UBAP2: variants seen among roughly 807,000 people sequenced by gnomAD.
The protein encoded by UBAP2 is ubiquitin associated protein 2, also known as ubiquitin-associated protein 2.
UBAP2 carries 75 observed loss-of-function variants against 139.6 expected under a neutral mutation model. That is an observed-to-expected ratio of 0.54 (90% CI 0.45 to 0.65). The LOEUF (loss-of-function observed/expected upper bound fraction) is 0.65. Ranked by LOEUF, UBAP2 falls within the 30% of genes least tolerant of loss-of-function variation. The probability of loss-of-function intolerance (pLI) is 0.00; values close to 1 mark genes in which losing one functional copy is unlikely to be tolerated. For missense variants in UBAP2, 1,368 were observed against 1,369.6 expected (o/e 1.00, Z 0.02); for synonymous variants, 526 against 526.2 (o/e 1.00, Z 0.01).
At chr9:33,962,373 C>T (rs947835288) in intron 9 of UBAP2, among the ~76,000 whole-genome samples, 1 of 152,120 alleles carries the variant, frequency 6.6e-6, no homozygotes, top group African/African-American at 2.4e-5. Flanking sequence ...AAAGGCTGGG[C>T]ATGGTGGCTC....
chr9:33,969,938 TTTTTTTTTTG>T (rs1827788984), intron 8 of UBAP2, among the ~76,000 whole-genome samples: 1 of 123,758 alleles, frequency 8.1e-6, no homozygotes, highest in East Asian at 2.5e-4. Flanking sequence ...TTTTTTTTTT[TTTTTTTTTTG>T]AGACAGAGTC....
At chr9:33,934,825 A>C (rs1352608713) in intron 17 of UBAP2, among the ~76,000 whole-genome samples, 1 of 152,196 alleles carries the variant, frequency 6.6e-6, no homozygotes. Context: ...GCTAGAGTCA[A>C]AAGTTCCTCT....
In UBAP2 at chr9:33,989,030, T is replaced by A. The variant is rs200124506; in HGVS notation, c.385A>T (p.Ser129Cys). The A allele has an allele frequency of 1.2e-4, 190 of 1,614,040 alleles. No homozygotes were observed. The East Asian group carries it at 2.9e-3, about 25-fold the overall frequency. The change falls in exon 5 of 29, where the codon AGT (serine) becomes TGT (cysteine). Residue 129 changes from serine to cysteine, a missense_variant. By Grantham distance (112) the Ser-to-Cys change is moderately radical. Coordinates refer to ENST00000379238, the MANE Select transcript of UBAP2 (RefSeq NM_001370062.2). ...NREKKSEKES[S>C]RGRGNNNRKG... is the part of the protein sequence containing the mutation. ...CGGTTGTTGTTTCCACGTCCACGAC[T>A]CGATTCTTTCTCGCTTTTCTTCTCT...
chr9:34,044,821 G>A (rs1360507163), intron 1 of UBAP2, among the ~76,000 whole-genome samples: 6 of 152,128 alleles, frequency 3.9e-5, no homozygotes, highest in Non-Finnish European at 8.8e-5. Context: ...GGCGAAGATC[G>A]TACCACTGCA....
At chr9:33,994,254 A>AG (rs1821961874) in intron 4 of UBAP2, among the ~76,000 whole-genome samples, 1 of 152,070 alleles carries the variant, frequency 6.6e-6, no homozygotes, top group Non-Finnish European at 1.5e-5. Context: ...CCAAAGGAGG[A>AG]GGGGGTGTTA....
intron 6 of UBAP2, among the ~76,000 whole-genome samples, chr9:33,978,010 G>T (rs1820304002): frequency 3.4e-5 from 4 of 118,970 alleles, no homozygotes; most frequent in Admixed American, 1.0e-4. Context: ...GCGAGACTCT[G>T]TCTTTTAAAA....
At chr9:33,974,393 A>G (rs1329674651) in intron 6 of UBAP2, among the ~76,000 whole-genome samples, 1 of 151,940 alleles carries the variant, frequency 6.6e-6, no homozygotes, top group Admixed American at 6.6e-5. Context: ...TGTAGTCCCA[A>G]CTACTCGGAA....
rs879220706 is a variant in UBAP2 at position 34,016,373 on chromosome 9, T to C, written c.99+677A>G. Among the ~76,000 whole-genome samples the C allele has an allele frequency of 4.8e-3, 71 of 14,678 alleles. No individual in the cohort carries two copies. The East Asian group carries it at 0.077, about 16-fold the overall frequency. The allele number at this position is 14,678 out of a possible 152,430, so 9.6% of individuals were successfully genotyped here. On this transcript the variant is annotated intron_variant, in intron 2 of 28. Transcript: ENST00000379238. ...GAGGCAGCAGCGGCGGCAGCGGCGGTGGTGGTGGTGGTGGTGGTGGTGGTG... is the reference window on the plus strand; with the variant it reads ...GAGGCAGCAGCGGCGGCAGCGGCGGCGGTGGTGGTGGTGGTGGTGGTGGTG...
chr9:34,017,801 T>A (rs534734763), intron 1 of UBAP2, among the ~76,000 whole-genome samples: 1 of 152,018 alleles, frequency 6.6e-6, no homozygotes, highest in African/African-American at 2.4e-5. Flanking sequence ...GTGGCAGGCA[T>A]CTGTAGTCCC....
chr9:34,035,527 A>ATATATATATATATG (rs1174310079), intron 1 of UBAP2, among the ~76,000 whole-genome samples: 1 of 104,228 alleles, frequency 9.6e-6, no homozygotes, highest in South Asian at 2.9e-4. Flanking sequence ...ATATATATAT[A>ATATATATATATATG]AAGATTAGCC....
Position 33,994,092 on chromosome 9 carries a change from C to T in UBAP2, c.288+2131G>A, listed in dbSNP as rs576588325. On this transcript the variant is annotated intron_variant, in intron 4 of 28. Transcript: ENST00000379238. Reference sequence around the variant, plus strand: ...TGTATTTTTAGTAGACATGGGGTTTCGCCATGTTGACCAGGCTGGTCTCAA... The same window carrying T: ...TGTATTTTTAGTAGACATGGGGTTTTGCCATGTTGACCAGGCTGGTCTCAA... Among the ~76,000 whole-genome samples the T allele has an allele frequency of 1.7e-4, 26 of 152,128 alleles. 1 individual carries two copies. In the South Asian group the frequency reaches 3.9e-3, roughly 23 times the overall value.
At chr9:33,993,219 A>G (rs1370248591) in intron 4 of UBAP2, among the ~76,000 whole-genome samples, 1 of 152,218 alleles carries the variant, frequency 6.6e-6, no homozygotes, top group African/African-American at 2.4e-5. Flanking sequence ...ATTTTGTTTC[A>G]GCACAGAGGA....
chr9:34,034,883 CAAACA>C (rs1427606788), intron 1 of UBAP2, among the ~76,000 whole-genome samples: 17 of 32,858 alleles, frequency 5.2e-4, no homozygotes, highest in South Asian at 1.5e-3. Context: ...AACAAACAAA[CAAACA>C]AAAAAAAAAC....
chr9:33,930,833 T>C (rs1048941265), intron 19 of UBAP2, among the ~76,000 whole-genome samples: 2 of 143,978 alleles, frequency 1.4e-5, no homozygotes, highest in African/African-American at 5.2e-5. Context: ...GAAGTGGAGG[T>C]TGCAGTGAGC....
chr9:34,016,370 C>CGGCGGCGGCGGTGGTGGTGGT (rs1321174650), intron 2 of UBAP2, among the ~76,000 whole-genome samples: 3 of 93,734 alleles, frequency 3.2e-5, no homozygotes, highest in Admixed American at 1.2e-4. Context: ...GCGGCAGCGG[C>CGGCGGCGGCGGTGGTGGTGGT]GGTGGTGGTG....
intron 17 of UBAP2, among the ~76,000 whole-genome samples, chr9:33,935,163 C>CGGGGGGGGGGGG (rs11317017): frequency 1.1e-5 from 1 of 87,926 alleles, no homozygotes. Flanking sequence ...TTGGAAGTGG[C>CGGGGGGGGGGGG]GGGGGGGGGG....
At chr9:33,975,497 C>T (rs1828255811) in intron 6 of UBAP2, among the ~76,000 whole-genome samples, 1 of 148,254 alleles carries the variant, frequency 6.7e-6, no homozygotes, top group Non-Finnish European at 1.5e-5. Context: ...TTGTGCACTG[C>T]TGGTAAAAAC....
chr9:34,030,433 A>G (rs1250720448), intron 1 of UBAP2, among the ~76,000 whole-genome samples: 1 of 151,988 alleles, frequency 6.6e-6, no homozygotes, highest in African/African-American at 2.4e-5. Context: ...TGGGCGACAG[A>G]GCCAGATTCC....
intron 2 of UBAP2, among the ~76,000 whole-genome samples, chr9:34,015,758 G>T (rs1229680730): frequency 6.6e-6 from 1 of 152,046 alleles, no homozygotes; most frequent in Non-Finnish European, 1.5e-5. Flanking sequence ...GAGTGCAGTA[G>T]CATCATCATA....
Sources: gnomAD v4.1 joint callset for allele counts (sites outside exome capture counted in the v4.1 genomes callset) on GRCh38, gnomAD v4.1.1 for gene constraint, MANE v1.5 for transcripts, NCBI Gene and HGNC (gene_info 2026-07-23, HGNC 2026-07-21) for gene names.